AHI1: variants seen among roughly 807,000 people sequenced by gnomAD.
AHI1 encodes the protein Abelson helper integration site 1, also known as jouberin.
AHI1 carries 123 observed loss-of-function variants against 149.3 expected under a neutral mutation model. That is an observed-to-expected ratio of 0.82 (90% confidence interval 0.71 to 0.96). The LOEUF is 0.96. Ranked by LOEUF, AHI1 falls within the 40% of genes least tolerant of loss-of-function variation. The pLI is 0.00. For missense variants in AHI1, 1,439 were observed against 1,422.7 expected, an observed-to-expected ratio of 1.01 and a Z score of -0.18; for synonymous variants, 475 against 459.8, an observed-to-expected ratio of 1.03 and a Z score of -0.42.
chr6:135,426,949 TTAAA>T (rs1298277895), intron 20 of AHI1, among the ~76,000 whole-genome samples: 11 of 151,728 alleles, frequency 7.2e-5, no homozygotes, highest in Non-Finnish European at 1.5e-4. Flanking sequence ...TATTTACCTT[TTAAA>T]TTTAGTTAAC....
chr6:135,387,858 T>C, intron 23 of AHI1: 2 of 1,500,244 alleles, frequency 1.3e-6, no homozygotes, highest in East Asian at 4.8e-5. Flanking sequence ...ATTCTGACAA[T>C]TCTATGAAGT....
chr6:135,364,497 G>A lies in AHI1; in HGVS notation c.3110-6310C>T, dbSNP rs550878600. 1.3e-3 allele frequency among the ~76,000 whole-genome samples: 191 copies of A among 150,046 alleles called. 2 individuals carry two copies. The highest frequency in any genetic ancestry group is 5.4e-3 in the Admixed American group (82 of 15,148). ...TCACTTCCCAGACGGGGTGGCGGCCGGGCAGAGGCTGCAATCTCAGCACTT... is the reference window on the plus strand; with the variant it reads ...TCACTTCCCAGACGGGGTGGCGGCCAGGCAGAGGCTGCAATCTCAGCACTT... On this transcript the variant is annotated intron_variant, in intron 23 of 28. Coordinates refer to ENST00000265602, the MANE Select transcript of AHI1 (RefSeq NM_001134831.2).
chr6:135,411,513 GCGTTTGAACATTTCAGCCTCCTGCT>G lies in AHI1; in HGVS notation c.2771_2795del (p.Gln924ProfsTer47), dbSNP rs1457956361. The G allele has an allele frequency of 6.3e-7, 1 of 1,595,886 alleles. No individual in the cohort carries two copies. Among genetic ancestry groups the G allele is most frequent in the Non-Finnish European group, 8.5e-7 (1 of 1,169,824 alleles). On this transcript the variant is annotated frameshift_variant, in exon 21 of 29. Transcript: ENST00000265602. LOFTEE classifies it high-confidence loss of function. ...CAGGTAATGGAAATGTTCCATTGTA[GCGTTTGAACATTTCAGCCTCCTGCT>G]GGGCAACTGAAGAAATGAATCCATA...
intron 23 of AHI1, among the ~76,000 whole-genome samples, chr6:135,382,924 AAAATATATAT>A (rs1777017986): frequency 5.3e-5 from 3 of 56,382 alleles, no homozygotes; most frequent in Non-Finnish European, 7.2e-5. Context: ...AAAAAAAAAA[AAAATATATAT>A]ATATATATAT....
chr6:135,308,329 A>G (rs1181346822), intron 26 of AHI1, among the ~76,000 whole-genome samples: 1 of 152,072 alleles, frequency 6.6e-6, no homozygotes, highest in Non-Finnish European at 1.5e-5. Context: ...TCATCCTCTC[A>G]GGCTGAAGCG....
intron 26 of AHI1, among the ~76,000 whole-genome samples, chr6:135,317,691 G>A (rs1285381259): frequency 6.6e-6 from 1 of 152,074 alleles, no homozygotes; most frequent in Non-Finnish European, 1.5e-5. Context: ...GTTTCAGTGG[G>A]GATTAATAGA....
chr6:135,485,436 T>G (rs1406073949), intron 5 of AHI1, among the ~76,000 whole-genome samples: 1 of 152,186 alleles, frequency 6.6e-6, no homozygotes, highest in Non-Finnish European at 1.5e-5. Flanking sequence ...TGCATTAACT[T>G]TAGCCTAATT....
At chr6:135,300,422 A>G in intron 27 of AHI1, 78 bp downstream of exon 27, 3 of 1,362,940 alleles carry the variant, frequency 2.2e-6, no homozygotes, top group Non-Finnish European at 2.9e-6. Context: ...TGTTATAAAA[A>G]TAAGAAATGG....
intron 10 of AHI1, 87 bp downstream of exon 10, chr6:135,455,647 T>A: frequency 9.3e-7 from 1 of 1,076,228 alleles, no homozygotes; most frequent in Non-Finnish European, 1.2e-6. Flanking sequence ...TTTTTTTGCC[T>A]TACTGGACTA....
chr6:135,397,107 A>G (rs1779331290), intron 22 of AHI1, among the ~76,000 whole-genome samples: 1 of 151,936 alleles, frequency 6.6e-6, no homozygotes, highest in Admixed American at 6.6e-5. Context: ...AAATGTCCAT[A>G]AAGTGATGAG....
intron 22 of AHI1, among the ~76,000 whole-genome samples, chr6:135,397,449 CAA>C (rs1195544598): frequency 6.6e-6 from 1 of 151,862 alleles, no homozygotes; most frequent in African/African-American, 2.4e-5. Context: ...CACAGTCTGC[CAA>C]AGTCAGTTTA....
chr6:135,338,363 C>T (rs1789747794), intron 24 of AHI1, among the ~76,000 whole-genome samples: 1 of 150,488 alleles, frequency 6.6e-6, no homozygotes, highest in South Asian at 2.1e-4. Context: ...AGCACGTTAG[C>T]ATATAATTCT....
intron 24 of AHI1, among the ~76,000 whole-genome samples, chr6:135,332,970 C>T (rs1380084055): frequency 3.3e-5 from 5 of 152,158 alleles, no homozygotes; most frequent in African/African-American, 1.2e-4. Context: ...ATAATTTTGT[C>T]TTCTGACAGA....
At chr6:135,290,603 G>C (rs1323046689) in intron 27 of AHI1, 78 bp from the exon 28 acceptor site, 6 of 1,490,958 alleles carry the variant, frequency 4.0e-6, no homozygotes, top group Non-Finnish European at 5.6e-6. Context: ...CTTTGATCTA[G>C]GGCCGTGGCA....
At chr6:135,386,315 T>G (rs371970338) in intron 23 of AHI1, among the ~76,000 whole-genome samples, 7 of 151,204 alleles carry the variant, frequency 4.6e-5, no homozygotes, top group East Asian at 1.9e-4. Flanking sequence ...GTTTTGTTTT[T>G]TTTTTTCTTT....
chr6:135,326,500 A>G (rs1454756050), intron 24 of AHI1, among the ~76,000 whole-genome samples: 1 of 152,188 alleles, frequency 6.6e-6, no homozygotes, highest in Non-Finnish European at 1.5e-5. Context: ...TGAATTGTAC[A>G]GTGGTGAAGT....
intron 26 of AHI1, among the ~76,000 whole-genome samples, chr6:135,315,194 T>C (rs1171531133): frequency 6.6e-6 from 1 of 152,208 alleles, no homozygotes; most frequent in Non-Finnish European, 1.5e-5. Flanking sequence ...GGGTCCTAGT[T>C]CCTTGACCAG....
chr6:135,437,718 G>A (rs968103817), intron 15 of AHI1, among the ~76,000 whole-genome samples: 12 of 152,214 alleles, frequency 7.9e-5, no homozygotes, highest in African/African-American at 1.7e-4. Context: ...TTACCTAATA[G>A]CTGTAAGAAT....
intron 24 of AHI1, among the ~76,000 whole-genome samples, chr6:135,350,070 A>G (rs1791843296): frequency 6.6e-6 from 1 of 152,240 alleles, no homozygotes; most frequent in Non-Finnish European, 1.5e-5. Context: ...TTCACATTCT[A>G]TATAGGTTTA....
Sources: gnomAD v4.1 joint callset for allele counts (sites outside exome capture counted in the v4.1 genomes callset) on GRCh38, gnomAD v4.1.1 for gene constraint, MANE v1.5 for transcripts, NCBI Gene and HGNC (gene_info 2026-07-23, HGNC 2026-07-21) for gene names.